Variants in BNC2 observed in about 807,000 individuals in gnomAD.
BNC2 encodes the protein zinc finger protein basonuclin-2.
In BNC2, 20 loss-of-function variants were observed where a neutral mutation model predicts 76.3. That is an observed-to-expected ratio of 0.26 (90% CI 0.18 to 0.38). The LOEUF is 0.38. BNC2 is among the 10% of genes least tolerant of loss of function. The pLI, the probability that BNC2 is intolerant of heterozygous loss-of-function variation, is 1.00. For synonymous variants in BNC2, 582 were observed against 514.8 expected, an observed-to-expected ratio of 1.13 and a Z score of -1.77; for missense variants, 1,382 against 1,399.8, an observed-to-expected ratio of 0.99 and a Z score of 0.20.
rs1821021930 is a variant in BNC2 at position 16,436,577 on chromosome 9, C to A, written c.1617G>T (p.Met539Ile). Reference protein sequence around the residue: ...LALTSPGRPPMGFTTPPLDPV... With the variant: ...LALTSPGRPPIGFTTPPLDPV... Reference sequence around the variant, plus strand: ...GGTCTAGAGGGGGAGTGGTAAAACCCATTGGGGGTCGGCCAGGGCTTGTGA... The same window carrying A: ...GGTCTAGAGGGGGAGTGGTAAAACCAATTGGGGGTCGGCCAGGGCTTGTGA... The change falls in exon 6 of 7, where the codon ATG (methionine) becomes ATT (isoleucine). Residue 539 changes from methionine (M) to isoleucine (I), a missense_variant. Physicochemically the swap from Met to Ile is conservative, Grantham distance 10. Transcript: ENST00000380672. 3 of 1,614,018 alleles carry A rather than the reference C, an allele frequency of 1.9e-6. No individual in the cohort carries two copies. In the East Asian group the frequency reaches 6.7e-5, roughly 36 times the overall value.
At chr9:16,452,087 T>C (rs1053597013) in intron 5 of BNC2, among the ~76,000 whole-genome samples, 3 of 152,202 alleles carry the variant, frequency 2.0e-5, no homozygotes, top group East Asian at 1.9e-4. Flanking sequence ...GGACCAATGG[T>C]GCAGGGAGGC....
chr9:16,827,560 T>C (rs1818483398), intron 1 of BNC2, among the ~76,000 whole-genome samples: 1 of 152,168 alleles, frequency 6.6e-6, no homozygotes, highest in African/African-American at 2.4e-5. Flanking sequence ...AGTAATTCGA[T>C]CAAAAAGGAA....
intron 1 of BNC2, among the ~76,000 whole-genome samples, chr9:16,752,533 T>A (rs1825251256): frequency 6.6e-6 from 1 of 152,220 alleles, no homozygotes; most frequent in Non-Finnish European, 1.5e-5. Flanking sequence ...GAAGTAAAAT[T>A]CTTACGCAGT....
rs74990635 is a variant in BNC2, at chr9:16,497,235, G to A, written c.669+55295C>T. On this transcript the variant is annotated intron_variant, in intron 5 of 6. Coordinates refer to ENST00000380672, the MANE Select transcript of BNC2 (RefSeq NM_017637.6). ...GTTCCCTAAATACCCAGTTTATGATGTAGGCCTAATTTCTAGATATTGCAG... is the reference window on the plus strand; with the variant it reads ...GTTCCCTAAATACCCAGTTTATGATATAGGCCTAATTTCTAGATATTGCAG... Among the ~76,000 whole-genome samples the A allele has an allele frequency of 3.5e-4, 54 of 152,316 alleles. 1 individual carries two copies. The East Asian group carries it at 7.1e-3, about 20-fold the overall frequency.
rs976969786 is a variant in BNC2 at position 16,478,872 on chromosome 9, A to C, written c.670-41348T>G. Among the ~76,000 whole-genome samples the C allele has an allele frequency of 1.1e-3, 175 of 152,350 alleles. 2 individuals are homozygous for C. The highest frequency in any genetic ancestry group is 3.5e-3 in the African/African-American group (145 of 41,590). On this transcript the variant is annotated intron_variant, in intron 5 of 6. Coordinates refer to ENST00000380672, the MANE Select transcript of BNC2 (RefSeq NM_017637.6). ...TCTTCCCGCTCGGACTAAAGAAAAG[A>C]AGCATGACCCTGATATTAAACAGAT...
At chr9:16,614,432 C>T (rs956661165) in intron 3 of BNC2, among the ~76,000 whole-genome samples, 5 of 147,900 alleles carry the variant, frequency 3.4e-5, no homozygotes, top group African/African-American at 1.2e-4. Flanking sequence ...GTTTTAAAAG[C>T]CAACAAAACC....
At chr9:16,786,678 C>T (rs1005667316) in intron 1 of BNC2, among the ~76,000 whole-genome samples, 2 of 152,276 alleles carry the variant, frequency 1.3e-5, no homozygotes, top group African/African-American at 4.8e-5. Context: ...TGAACCCCAA[C>T]TGCAGAAAGG....
chr9:16,704,138 C>T (rs1290154464), intron 3 of BNC2, among the ~76,000 whole-genome samples: 1 of 152,124 alleles, frequency 6.6e-6, no homozygotes, highest in Non-Finnish European at 1.5e-5. Context: ...AGGCACACTG[C>T]ATTATCAGAA....
intron 5 of BNC2, among the ~76,000 whole-genome samples, chr9:16,453,821 A>G (rs192478304): frequency 2.0e-5 from 3 of 152,270 alleles, no homozygotes; most frequent in Non-Finnish European, 4.4e-5. Context: ...ACAAAACAAA[A>G]CAAACAAAAC....
At chr9:16,598,943 T>C (rs532921550) in intron 3 of BNC2, among the ~76,000 whole-genome samples, 50 of 152,188 alleles carry the variant, frequency 3.3e-4, no homozygotes, top group Non-Finnish European at 6.0e-4. Context: ...GCACAAAATA[T>C]TAAATAGGGT....
intron 3 of BNC2, among the ~76,000 whole-genome samples, chr9:16,689,917 A>G (rs1823103831): frequency 1.3e-5 from 2 of 152,214 alleles, no homozygotes; most frequent in Non-Finnish European, 2.9e-5. Flanking sequence ...AAAGAAATAA[A>G]CAAATTATCC....
At chr9:16,614,913 G>A (rs1820653281) in intron 3 of BNC2, among the ~76,000 whole-genome samples, 1 of 134,072 alleles carries the variant, frequency 7.5e-6, no homozygotes, top group Admixed American at 8.3e-5. Flanking sequence ...CTGTCATCGG[G>A]CCACTGTATT....
At chr9:16,429,900 C>G (rs765832491) in intron 6 of BNC2, 6 of 504,560 alleles carry the variant, frequency 1.2e-5, no homozygotes, top group South Asian at 1.5e-5. Context: ...GCTGGGCCAG[C>G]AGGAGGTCAT....
At chr9:16,593,071 T>C (rs1819976641) in intron 3 of BNC2, among the ~76,000 whole-genome samples, 1 of 151,942 alleles carries the variant, frequency 6.6e-6, no homozygotes, top group Non-Finnish European at 1.5e-5. Flanking sequence ...TATCAAAGTA[T>C]TAAAAAAATT....
rs567805033 is a variant in BNC2 at position 16,583,181 on chromosome 9, A to G, written c.331-96T>C. ...AAATATTGCCCACTTCTATTTTTAA[A>G]GATTTTATGATGGTAGGGGCCTGGA... On this transcript the variant is annotated intron_variant, in intron 3 of 6. Transcript: ENST00000380672. 170 of 1,010,954 alleles carry G rather than the reference A, an allele frequency of 1.7e-4. 1 individual carries two copies. The South Asian group carries it at 2.0e-3, about 12-fold the overall frequency. 62.6% of individuals were successfully genotyped at this position (1,010,954 alleles called of 1,614,324 possible).
intron 1 of BNC2, among the ~76,000 whole-genome samples, chr9:16,865,262 C>A (rs1473056681): frequency 6.6e-6 from 1 of 152,030 alleles, no homozygotes; most frequent in Non-Finnish European, 1.5e-5. Context: ...GCTATTCCCA[C>A]TGGTAAGATA....
intron 1 of BNC2, among the ~76,000 whole-genome samples, chr9:16,825,176 C>G (rs916706270): frequency 3.9e-5 from 6 of 152,002 alleles, no homozygotes; most frequent in African/African-American, 1.2e-4. Context: ...CACTCACAGC[C>G]CAAATGCAAC....
intron 1 of BNC2, among the ~76,000 whole-genome samples, chr9:16,778,355 A>C (rs1257668811): frequency 6.6e-6 from 1 of 152,234 alleles, no homozygotes; most frequent in East Asian, 1.9e-4. Context: ...AGTCTTCATG[A>C]AAACAGGATT....
chr9:16,574,854 C>A (rs570314820), intron 4 of BNC2, among the ~76,000 whole-genome samples: 1 of 152,080 alleles, frequency 6.6e-6, no homozygotes, highest in African/African-American at 2.4e-5. Context: ...TATTATTATC[C>A]GAATTTCTCG....
Sources: gnomAD v4.1 joint callset for allele counts (sites outside exome capture counted in the v4.1 genomes callset) on GRCh38, gnomAD v4.1.1 for gene constraint, MANE v1.5 for transcripts, NCBI Gene and HGNC (gene_info 2026-07-23, HGNC 2026-07-21) for gene names.